The following ASAP1 variants were observed in gnomAD, a reference collection of about 807,000 sequenced individuals.
ASAP1 encodes arf-GAP with SH3 domain, ANK repeat and PH domain-containing protein 1.
A neutral mutation model predicts 145.2 loss-of-function variants in ASAP1; 43 were observed. The observed-to-expected ratio is 0.30, with a 90% CI of 0.23 to 0.38. ASAP1 has a LOEUF of 0.38. ASAP1 is among the 10% of genes least tolerant of loss of function. The probability of loss-of-function intolerance (pLI) is 1.00; values close to 1 mark genes in which losing one functional copy is unlikely to be tolerated. For synonymous variants in ASAP1, 546 were observed against 515.5 expected (o/e 1.06, Z -0.80); for missense variants, 1,018 against 1,355.3 (o/e 0.75, Z 3.91).
chr8:130,438,980 A>T (rs1251379234), intron 1 of ASAP1, among the ~76,000 whole-genome samples: 1 of 152,232 alleles, frequency 6.6e-6, no homozygotes, highest in Non-Finnish European at 1.5e-5. Context: ...CATGAGTTAC[A>T]TGGCAATGGA....
At chr8:130,326,505 G>T (rs1258583749) in intron 3 of ASAP1, among the ~76,000 whole-genome samples, 3 of 152,200 alleles carry the variant, frequency 2.0e-5, no homozygotes, top group Non-Finnish European at 4.4e-5. Context: ...GGATGTGCTG[G>T]AATGGTAGTT....
chr8:130,320,873 C>T (rs997400342), intron 3 of ASAP1, among the ~76,000 whole-genome samples: 1 of 152,148 alleles, frequency 6.6e-6, no homozygotes, highest in African/African-American at 2.4e-5. Flanking sequence ...GTTTACTTTG[C>T]CAAAGAGTGC....
At chr8:130,081,457 ACT>A (rs2097480339) in intron 25 of ASAP1, among the ~76,000 whole-genome samples, 1 of 151,658 alleles carries the variant, frequency 6.6e-6, no homozygotes, top group South Asian at 2.1e-4. Context: ...TGCTCTGGAA[ACT>A]CTTGTTCTCT....
Position 130,052,156 on chromosome 8 carries a change from A to G in ASAP1, c.*2575T>C, listed in dbSNP as rs959552504. On this transcript the variant is annotated 3_prime_UTR_variant, in exon 30 of 30. Transcript: ENST00000518721. ...TTAAAAGCAATTTTAAATATTAAAAAAAGTAGAAATTAACACATACAGTAC... is the reference window on the plus strand; with the variant it reads ...TTAAAAGCAATTTTAAATATTAAAAGAAGTAGAAATTAACACATACAGTAC... 4.6e-5 allele frequency: 7 copies of G among 152,694 alleles called. No individual in the cohort carries two copies. The highest frequency in any genetic ancestry group is 8.8e-5 in the Non-Finnish European group (6 of 68,044). The allele number at this position is 152,694 out of a possible 1,614,324, so 9.5% of individuals were successfully genotyped here.
chr8:130,315,524 A>C (rs1324716405), intron 3 of ASAP1, among the ~76,000 whole-genome samples: 3 of 152,212 alleles, frequency 2.0e-5, no homozygotes, highest in African/African-American at 7.2e-5. Context: ...GAGCATAAGG[A>C]AGAGGCTCCT....
chr8:130,376,031 T>C (rs1473469446), intron 2 of ASAP1, among the ~76,000 whole-genome samples: 1 of 152,108 alleles, frequency 6.6e-6, no homozygotes, highest in Non-Finnish European at 1.5e-5. Context: ...ATACACAAAT[T>C]AACAACAACA....
rs754198419 is a variant in ASAP1, at chr8:130,060,580, G to A, written c.3191C>T (p.Thr1064Met). Reference protein sequence around the residue: ...TPVPLPRKINTGKNKVRRVKT... With the variant: ...TPVPLPRKINMGKNKVRRVKT... ...GGGCCTGAACATTGTCCCACCCACC[G>A]TATTGATTTTTCTGGGCAGTGGTAC... Residue 1064 changes from threonine (T) to methionine (M), a missense_variant and splice_region_variant, in exon 28 of 30, where the codon ACG becomes ATG. Coordinates refer to ENST00000518721, the MANE Select transcript of ASAP1 (RefSeq NM_018482.4). 1.1e-5 allele frequency: 18 copies of A among 1,607,352 alleles called. No homozygotes were observed. In the East Asian group the frequency reaches 1.3e-4, roughly 12 times the overall value.
rs1592840099 is a variant in ASAP1 at position 130,117,134 on chromosome 8, AAC to A, written c.1881-141_1881-140del. On this transcript the variant is annotated intron_variant, in intron 20 of 29. Transcript: ENST00000518721. ...TAATAGAGAAAATTATGATGTTTCT[AAC>A]CTAGATTTATAAGCAATACAGTGAT... 4.9e-6 allele frequency: 3 copies of A among 607,126 alleles called. No individual in the cohort carries two copies. The East Asian group carries it at 8.4e-5, about 17-fold the overall frequency. The allele number at this position is 607,126 out of a possible 1,614,324, so 37.6% of individuals were successfully genotyped here. A position where few individuals can be genotyped will look rare whatever the true frequency, so the allele number is the denominator to read the frequency against.
intron 27 of ASAP1, among the ~76,000 whole-genome samples, chr8:130,071,282 T>A (rs1464547694): frequency 1.3e-5 from 2 of 152,148 alleles, no homozygotes; most frequent in African/African-American, 4.8e-5. Context: ...CTTCAAAAAA[T>A]TTTTAGCAGG....
chr8:130,133,886 C>T (rs76120785), intron 15 of ASAP1, among the ~76,000 whole-genome samples: 273 of 152,244 alleles, frequency 1.8e-3, no homozygotes, highest in Middle Eastern at 0.014. Flanking sequence ...TATGTTTGGC[C>T]ACCAAAAACT....
intron 9 of ASAP1, among the ~76,000 whole-genome samples, chr8:130,173,254 G>A (rs1451130813): frequency 2.0e-5 from 3 of 152,224 alleles, no homozygotes; most frequent in Admixed American, 6.5e-5. Flanking sequence ...GCAGTCATTA[G>A]CAATGTATCA....
intron 13 of ASAP1, among the ~76,000 whole-genome samples, chr8:130,147,198 CAAAAAAAAAAAAAA>C (rs559149769): frequency 3.2e-4 from 20 of 63,340 alleles, no homozygotes; most frequent in Admixed American, 5.2e-4. Context: ...AATGCAGTCT[CAAAAAAAAAAAAAA>C]AAAAAAAAAA....
At chr8:130,207,008 A>G (rs572795170) in intron 5 of ASAP1, among the ~76,000 whole-genome samples, 62 of 152,328 alleles carry the variant, frequency 4.1e-4, no homozygotes, top group Admixed American at 1.0e-3. Flanking sequence ...GGTTGAACGT[A>G]ATTTTTCAGT....
intron 18 of ASAP1, among the ~76,000 whole-genome samples, chr8:130,122,802 T>C (rs748762241): frequency 6.6e-6 from 1 of 152,234 alleles, no homozygotes; most frequent in Non-Finnish European, 1.5e-5. Context: ...GGCACAAAGC[T>C]GACCAGGTGG....
chr8:130,155,598 C>T (rs2097656855), intron 12 of ASAP1, among the ~76,000 whole-genome samples: 1 of 152,210 alleles, frequency 6.6e-6, no homozygotes, highest in South Asian at 2.1e-4. Flanking sequence ...CTGCCGGCCT[C>T]GGCCTCCTAA....
At chr8:130,276,728 A>ACACACACACTCTCT (rs548512902) in intron 3 of ASAP1, among the ~76,000 whole-genome samples, 155 of 87,312 alleles carry the variant, frequency 1.8e-3, no homozygotes, top group South Asian at 0.012. Context: ...ACACACACAC[A>ACACACACACTCTCT]CTCTCTCTCT....
At chr8:130,177,896 C>T (rs1158481900) in intron 9 of ASAP1, among the ~76,000 whole-genome samples, 1 of 152,158 alleles carries the variant, frequency 6.6e-6, no homozygotes, top group Non-Finnish European at 1.5e-5. Flanking sequence ...CTTTTTACAG[C>T]CTTACAAAAA....
chr8:130,405,769 C>T (rs1005337084), intron 1 of ASAP1, among the ~76,000 whole-genome samples: 7 of 152,182 alleles, frequency 4.6e-5, no homozygotes, highest in Admixed American at 6.5e-5. Context: ...CGTCTATGTC[C>T]GTACCTCACC....
chr8:130,262,422 G>A (rs1203865490), intron 3 of ASAP1, among the ~76,000 whole-genome samples: 3,476 of 49,348 alleles, frequency 0.07, 261 homozygotes, highest in East Asian at 0.14. Context: ...AAAAAAGAGA[G>A]AGAGAGAGAG....
Sources: gnomAD v4.1 joint callset for allele counts (sites outside exome capture counted in the v4.1 genomes callset) on GRCh38, gnomAD v4.1.1 for gene constraint, MANE v1.5 for transcripts, NCBI Gene and HGNC (gene_info 2026-07-23, HGNC 2026-07-21) for gene names.